ESR2: variants seen among roughly 807,000 people sequenced by gnomAD.
The protein encoded by ESR2 is estrogen receptor beta.
ESR2 carries 36 observed loss-of-function variants against 49.6 expected under a neutral mutation model. The observed-to-expected ratio is 0.73, with a 90% CI of 0.56 to 0.96. The LOEUF is 0.96. Among genes scored for constraint, ESR2 ranks in the 40% least tolerant of loss-of-function variants. The pLI, the probability that ESR2 is intolerant of heterozygous loss-of-function variation, is 0.00. For missense variants in ESR2, 714 were observed against 693.0 expected (o/e 1.03, Z -0.34); for synonymous variants, 320 against 266.1 (o/e 1.20, Z -1.97).
chr14:64,273,731 A>G (rs2076496621), intron 3 of ESR2, among the ~76,000 whole-genome samples: 1 of 152,070 alleles, frequency 6.6e-6, no homozygotes, highest in Non-Finnish European at 1.5e-5. Context: ...ATCAATATTC[A>G]TTGGGGATAT....
chr14:64,260,260 C>A, intron 5 of ESR2, 189 bp downstream of exon 5: 1 of 772,734 alleles, frequency 1.3e-6, no homozygotes, highest in Admixed American at 1.8e-5. Context: ...AGAACACGGC[C>A]TTGTTGAAGG....
At chr14:64,241,719 G>T (rs570671293) in intron 7 of ESR2, among the ~76,000 whole-genome samples, 1 of 152,226 alleles carries the variant, frequency 6.6e-6, no homozygotes, top group East Asian at 1.9e-4. Flanking sequence ...ATTTCCAATT[G>T]CTCACTGGTG....
intron 4 of ESR2, among the ~76,000 whole-genome samples, chr14:64,265,919 T>TTGGGGAAGGCAGATAAGAAGAGTGA (rs1301578582): frequency 1.3e-5 from 2 of 152,128 alleles, no homozygotes; most frequent in African/African-American, 4.8e-5. Context: ...ATAGAGGGTT[T>TTGGGGAAGGCAGATAAGAAGAGTGA]TGGGGAAGGC....
At position 64,232,220 on chromosome 14, in the gene ESR2, T is replaced by C. The variant is rs1047402580; in HGVS notation, c.*917A>G. Reference sequence around the variant, plus strand: ...CTACTTGTGGTGACTGATGGGGCAATTGTGGCTGCTACTTATGAGGTTGTA... The same window carrying C: ...CTACTTGTGGTGACTGATGGGGCAACTGTGGCTGCTACTTATGAGGTTGTA... On this transcript the variant is annotated 3_prime_UTR_variant, in exon 9 of 9. Coordinates refer to ENST00000341099, the MANE Select transcript of ESR2 (RefSeq NM_001437.3). 2.6e-5 allele frequency: 4 copies of C among 152,182 alleles called. No homozygotes were observed. Among genetic ancestry groups the C allele is most frequent in the Admixed American group, 6.5e-5 (1 of 15,284 alleles). The allele number at this position is 152,182 out of a possible 1,614,324, so 9.4% of individuals were successfully genotyped here. A position where few individuals can be genotyped will look rare whatever the true frequency, so the allele number is the denominator to read the frequency against.
In ESR2 at chr14:64,282,825, A is replaced by C. The variant is rs558493944; in HGVS notation, c.161T>G (p.Met54Arg). The C allele has an allele frequency of 3.6e-5, 58 of 1,614,130 alleles. No homozygotes were observed. Among genetic ancestry groups the C allele is most frequent in the Non-Finnish European group, 4.9e-5 (58 of 1,180,036 alleles). The change falls in exon 2 of 9, where the codon ATG (methionine) becomes AGG (arginine). Residue 54 changes from methionine (M) to arginine (R), a missense_variant. Physicochemically the swap from Met to Arg is moderately conservative, Grantham distance 91. Transcript: ENST00000341099. ...PAMTFYSPAVMNYSIPSNVTN... is the reference protein window; with the variant it reads ...PAMTFYSPAVRNYSIPSNVTN... ...GACATTGCTGGGAATGCTGTAATTC[A>C]TCACAGCAGGGCTATAGAATGTCAT...
chr14:64,272,397 G>C (rs1402931022), intron 3 of ESR2, among the ~76,000 whole-genome samples: 1 of 152,138 alleles, frequency 6.6e-6, no homozygotes, highest in Non-Finnish European at 1.5e-5. Context: ...TTTTTAACTT[G>C]ATGTGATTCC....
chr14:64,262,288 T>A (rs1336255389), intron 4 of ESR2, among the ~76,000 whole-genome samples: 8 of 152,022 alleles, frequency 5.3e-5, no homozygotes, highest in Admixed American at 2.0e-4. Flanking sequence ...CTAATTTTTG[T>A]ATTTTTTGTA....
intron 1 of ESR2, among the ~76,000 whole-genome samples, chr14:64,300,067 G>A (rs1464145970): frequency 6.6e-6 from 1 of 152,186 alleles, no homozygotes; most frequent in African/African-American, 2.4e-5. Context: ...AGCTTACTAG[G>A]AGGACTGCTG....
intron 7 of ESR2, among the ~76,000 whole-genome samples, chr14:64,245,531 A>C (rs2140661861): frequency 6.6e-6 from 1 of 151,584 alleles, no homozygotes; most frequent in Middle Eastern, 3.4e-3. Flanking sequence ...AAAAAAAAAA[A>C]AAAAAGATTT....
intron 1 of ESR2, among the ~76,000 whole-genome samples, chr14:64,283,821 A>G (rs1481574618): frequency 1.3e-5 from 2 of 151,990 alleles, no homozygotes; most frequent in African/African-American, 4.8e-5. Flanking sequence ...AAGAAAACAC[A>G]TTATGAATCT....
rs771315208 is a variant in ESR2 at position 64,229,853 on chromosome 14, A to G, written c.*3284T>C. The stretch of plus-strand genomic sequence containing the variant: ...TTTAGATACTAAATAATGTGTTTTT[A>G]TCTTTTTAAAAGATTTTCAGCAACT... On this transcript the variant is annotated 3_prime_UTR_variant, in exon 9 of 9. Coordinates refer to ENST00000341099, the MANE Select transcript of ESR2 (RefSeq NM_001437.3). Among the ~76,000 whole-genome samples the G allele has an allele frequency of 9.9e-5, 15 of 152,184 alleles. No individual in the cohort carries two copies. The highest frequency in any genetic ancestry group is 1.9e-4 in the Non-Finnish European group (13 of 68,030).
At chr14:64,303,449 A>G (rs1193906044) in intron 1 of ESR2, 1 of 147,804 alleles carries the variant, frequency 6.8e-6, no homozygotes, top group Non-Finnish European at 1.5e-5. Flanking sequence ...AGTTTGTCTG[A>G]CTGTTAGCAA....
intron 7 of ESR2, among the ~76,000 whole-genome samples, chr14:64,244,662 C>T (rs1256327487): frequency 6.6e-6 from 1 of 152,214 alleles, no homozygotes; most frequent in Non-Finnish European, 1.5e-5. Context: ...AGGGTTACAC[C>T]ACCAGCTCCC....
chr14:64,234,770 G>T, intron 8 of ESR2, 200 bp downstream of exon 8: 1 of 1,226,154 alleles, frequency 8.2e-7, no homozygotes, highest in Non-Finnish European at 1.1e-6. Flanking sequence ...TGCAGAGCCT[G>T]TAAGATACCA....
chr14:64,227,424 A>G, downstream of ESR2: 1 of 1,288,674 alleles, frequency 7.8e-7, no homozygotes, highest in African/African-American at 1.5e-5. Flanking sequence ...AAGTATTTTA[A>G]CTCTTTCTTT....
chr14:64,308,018 TTTG>T (rs2077131032), intron 1 of ESR2, among the ~76,000 whole-genome samples: 3 of 152,020 alleles, frequency 2.0e-5, no homozygotes, highest in South Asian at 4.1e-4. Context: ...GTTTGTTGTT[TTTG>T]TTGTTGTTGT....
intron 1 of ESR2, among the ~76,000 whole-genome samples, chr14:64,307,295 T>C (rs1287930277): frequency 6.6e-6 from 1 of 151,866 alleles, no homozygotes; most frequent in African/African-American, 2.4e-5. Context: ...CACTGCAACC[T>C]CTGCCTCCTG....
chr14:64,288,726 C>T (rs2076821777), intron 1 of ESR2, among the ~76,000 whole-genome samples: 1 of 151,432 alleles, frequency 6.6e-6, no homozygotes, highest in South Asian at 2.1e-4. Context: ...GTGGCTCATG[C>T]CTGTAATCCC....
At chr14:64,283,849 T>C (rs1442321436) in intron 1 of ESR2, among the ~76,000 whole-genome samples, 2 of 139,340 alleles carry the variant, frequency 1.4e-5, no homozygotes, top group East Asian at 4.3e-4. Context: ...TAAAAAACAA[T>C]GGGTATTAGC....
Sources: allele counts gnomAD v4.1 joint callset (sites outside exome capture counted in the v4.1 genomes callset), GRCh38; gene constraint gnomAD v4.1.1; transcripts MANE v1.5; gene names NCBI Gene and HGNC (gene_info 2026-07-23, HGNC 2026-07-21).